XKR4: variants seen among roughly 807,000 people sequenced by gnomAD.
The protein encoded by XKR4 is XK-related protein 4.
A neutral mutation model predicts 53.9 loss-of-function variants in XKR4; 12 were observed. The observed-to-expected ratio is 0.22, with a 90% CI of 0.14 to 0.36. The LOEUF (loss-of-function observed/expected upper bound fraction) is 0.36. Ranked by LOEUF, XKR4 falls within the 10% of genes least tolerant of loss-of-function variation. The probability of loss-of-function intolerance (pLI) is 1.00; values close to 1 mark genes in which losing one functional copy is unlikely to be tolerated. For synonymous variants in XKR4, 354 were observed against 362.4 expected (o/e 0.98, Z 0.26); for missense variants, 799 against 859.5 (o/e 0.93, Z 0.88).
Position 55,314,382 on chromosome 8 carries a change from GA to G in XKR4, c.807-43293del, listed in dbSNP as rs59410748. 4.8e-3 allele frequency among the ~76,000 whole-genome samples: 733 copies of G among 152,216 alleles called. 6 individuals carry two copies. Among genetic ancestry groups the G allele is most frequent in the African/African-American group, 0.016 (668 of 41,524 alleles). Reference sequence around the variant, plus strand: ...CATAATAGGTCTTCTCTGGGCTAAAGAAACCCTGGGATGCCCATTCTGCCTG... The same window carrying G: ...CATAATAGGTCTTCTCTGGGCTAAAGAACCCTGGGATGCCCATTCTGCCTG... On this transcript the variant is annotated intron_variant, in intron 1 of 2. Transcript: ENST00000327381.
intron 1 of XKR4, among the ~76,000 whole-genome samples, chr8:55,336,264 C>T (rs1348184304): frequency 2.0e-5 from 3 of 151,944 alleles, no homozygotes; most frequent in African/African-American, 7.2e-5. Context: ...GGGTTTATCA[C>T]GGGTTTCCAC....
intron 2 of XKR4, among the ~76,000 whole-genome samples, chr8:55,376,954 T>TCATA (rs1804160831): frequency 6.9e-6 from 1 of 145,424 alleles, no homozygotes; most frequent in Non-Finnish European, 1.5e-5. Flanking sequence ...AAACACACAC[T>TCATA]CACACACACA....
At chr8:55,366,037 G>A (rs1402777237) in intron 2 of XKR4, among the ~76,000 whole-genome samples, 2 of 152,214 alleles carry the variant, frequency 1.3e-5, no homozygotes, top group Non-Finnish European at 2.9e-5. Flanking sequence ...CCCTGGGCTG[G>A]GACGAGGCTG....
At chr8:55,452,173 C>T (rs1203459377) in intron 2 of XKR4, 7 of 726,748 alleles carry the variant, frequency 9.6e-6, no homozygotes, top group Non-Finnish European at 1.7e-5. Flanking sequence ...CAGAAGAGCT[C>T]GGCACTGTCA....
chr8:55,536,656 A>G lies in XKR4; in HGVS notation c.*12429A>G, dbSNP rs1807036348. 6.6e-6 allele frequency: 1 copy of G among 152,264 alleles called. No individual in the cohort carries two copies. The highest frequency in any genetic ancestry group is 1.5e-5 in the Non-Finnish European group (1 of 68,044). The allele number at this position is 152,264 out of a possible 1,614,324, so 9.4% of individuals were successfully genotyped here. A position where few individuals can be genotyped will look rare whatever the true frequency, so the allele number is the denominator to read the frequency against. Reference sequence around the variant, plus strand: ...CTTGCGCCGTAAGCAATTGCTGGTCATATTCTGCTGCTAAAAGTCTCTTTG... The same window carrying G: ...CTTGCGCCGTAAGCAATTGCTGGTCGTATTCTGCTGCTAAAAGTCTCTTTG... On this transcript the variant is annotated 3_prime_UTR_variant, in exon 3 of 3. Coordinates refer to ENST00000327381, the MANE Select transcript of XKR4 (RefSeq NM_052898.2).
chr8:55,365,963 G>C (rs987890592), intron 2 of XKR4, among the ~76,000 whole-genome samples: 5 of 152,190 alleles, frequency 3.3e-5, no homozygotes, highest in African/African-American at 7.2e-5. Context: ...GCCAGGCAGC[G>C]AGGGAGTGGG....
At chr8:55,214,765 G>C (rs575186772) in intron 1 of XKR4, among the ~76,000 whole-genome samples, 1 of 152,284 alleles carries the variant, frequency 6.6e-6, no homozygotes, top group Non-Finnish European at 1.5e-5. Flanking sequence ...GGGGAGGGGT[G>C]AAAGGAGGAG....
intron 1 of XKR4, among the ~76,000 whole-genome samples, chr8:55,150,424 C>T (rs914813546): frequency 6.6e-6 from 1 of 152,120 alleles, no homozygotes; most frequent in Non-Finnish European, 1.5e-5. Context: ...TTTAACTATT[C>T]CAGACTACGT....
At chr8:55,364,183 T>C (rs1407137015) in intron 2 of XKR4, among the ~76,000 whole-genome samples, 1 of 152,218 alleles carries the variant, frequency 6.6e-6, no homozygotes, top group Non-Finnish European at 1.5e-5. Flanking sequence ...TCTGATGGAC[T>C]GAATCACACA....
chr8:55,135,603 C>T (rs1816614618), intron 1 of XKR4: 1 of 456,246 alleles, frequency 2.2e-6, no homozygotes, highest in Non-Finnish European at 4.4e-6. Flanking sequence ...GTCATCGGAG[C>T]TGTCTACTGA....
chr8:55,133,051 G>A (rs1028929985), intron 1 of XKR4, among the ~76,000 whole-genome samples: 13 of 152,158 alleles, frequency 8.5e-5, no homozygotes, highest in Non-Finnish European at 1.5e-4. Flanking sequence ...ACACCTTTGC[G>A]GGGTGGAGAT....
intron 1 of XKR4, among the ~76,000 whole-genome samples, chr8:55,350,078 C>A (rs1803703896): frequency 6.6e-6 from 1 of 152,142 alleles, no homozygotes. Context: ...ACTATTTTAA[C>A]CTGCCTTTTG....
intron 1 of XKR4, among the ~76,000 whole-genome samples, chr8:55,337,048 G>A (rs1803471264): frequency 6.6e-6 from 1 of 152,094 alleles, no homozygotes; most frequent in South Asian, 2.1e-4. Context: ...TTATATTTGG[G>A]TCTGAAACAT....
At chr8:55,435,300 G>A (rs543525576) in intron 2 of XKR4, among the ~76,000 whole-genome samples, 135 of 152,160 alleles carry the variant, frequency 8.9e-4, no homozygotes, top group African/African-American at 2.9e-3. Context: ...GACCAAAGGC[G>A]GAGTCTCTTC....
chr8:55,462,683 T>C (rs1328902836), intron 2 of XKR4, among the ~76,000 whole-genome samples: 1 of 152,138 alleles, frequency 6.6e-6, no homozygotes, highest in Non-Finnish European at 1.5e-5. Flanking sequence ...GACTGGCAAA[T>C]TGGGTAAAGA....
chr8:55,149,042 T>C (rs187449885), intron 1 of XKR4, among the ~76,000 whole-genome samples: 12 of 152,380 alleles, frequency 7.9e-5, no homozygotes, highest in Non-Finnish European at 1.6e-4. Context: ...CATTTACTTT[T>C]TTTTTTCCTT....
intron 2 of XKR4, among the ~76,000 whole-genome samples, chr8:55,441,414 A>G (rs1406788349): frequency 6.6e-6 from 1 of 152,218 alleles, no homozygotes; most frequent in Non-Finnish European, 1.5e-5. Flanking sequence ...AGAAATTGAC[A>G]TATTTTAACA....
intron 2 of XKR4, among the ~76,000 whole-genome samples, chr8:55,471,059 A>G (rs1805874110): frequency 6.6e-6 from 1 of 152,170 alleles, no homozygotes; most frequent in Admixed American, 6.5e-5. Flanking sequence ...CATCCAGTAC[A>G]GTAGCCACTA....
intron 2 of XKR4, among the ~76,000 whole-genome samples, chr8:55,388,656 A>T (rs1804389046): frequency 6.6e-6 from 1 of 152,168 alleles, no homozygotes; most frequent in Non-Finnish European, 1.5e-5. Context: ...TCCATGACCT[A>T]ATCACCTCCC....
Sources: gnomAD v4.1 joint callset for allele counts (sites outside exome capture counted in the v4.1 genomes callset) on GRCh38, gnomAD v4.1.1 for gene constraint, MANE v1.5 for transcripts, NCBI Gene and HGNC (gene_info 2026-07-23, HGNC 2026-07-21) for gene names.